ACTN1: variants seen among roughly 807,000 people sequenced by gnomAD.
ACTN1 encodes actinin alpha 1.
In ACTN1, 30 loss-of-function variants were observed where a neutral mutation model predicts 119.6. That is an observed-to-expected ratio of 0.25 (90% CI 0.19 to 0.34). The LOEUF is 0.34. Ranked by LOEUF, ACTN1 falls within the 10% of genes least tolerant of loss-of-function variation. The pLI is 1.00. For missense variants in ACTN1, 764 were observed against 1,223.4 expected, an observed-to-expected ratio of 0.62 and a Z score of 5.60; for synonymous variants, 429 against 472.6, an observed-to-expected ratio of 0.91 and a Z score of 1.20.
Position 68,874,916 on chromosome 14 carries a change from T to C in ACTN1, c.2688A>G (p.Pro896=), listed in dbSNP as rs1273245316. 2.5e-6 allele frequency: 4 copies of C among 1,611,474 alleles called. No homozygotes were observed. Among genetic ancestry groups the C allele is most frequent in the Non-Finnish European group, 2.5e-6 (3 of 1,178,108 alleles). ...AGAAGGACATGTAGTCCAGAGCACCTGGCACGGAGTCGGGGCCGGTGTAGG... is the reference window on the plus strand; with the variant it reads ...AGAAGGACATGTAGTCCAGAGCACCCGGCACGGAGTCGGGGCCGGTGTAGG... ...MAPYTGPDSV[P]GALDYMSFST... Residue 896 remains proline, a synonymous_variant, in exon 22 of 22, where the codon CCA becomes CCG. Coordinates refer to ENST00000394419, the MANE Select transcript of ACTN1 (RefSeq NM_001130004.2).
chr14:68,878,684 A>T lies in ACTN1; in HGVS notation c.2362-161T>A. On this transcript the variant is annotated intron_variant, in intron 19 of 21. Coordinates refer to ENST00000394419, the MANE Select transcript of ACTN1 (RefSeq NM_001130004.2). The surrounding 1 kb of genome is among the most constrained non-coding windows in gnomAD (Gnocchi z 4.4). The stretch of plus-strand genomic sequence containing the variant: ...TAAAGGAACATAGGAGAAGATGCGA[A>T]CACACATCGGTGGAAATGTCCAAAG... The T allele has an allele frequency of 6.5e-7, 1 of 1,539,674 alleles. No individual in the cohort carries two copies. The highest frequency in any genetic ancestry group is 8.7e-7 in the Non-Finnish European group (1 of 1,147,056).
intron 1 of ACTN1, among the ~76,000 whole-genome samples, chr14:68,970,224 A>AACAT (rs1356417198): frequency 1.3e-5 from 2 of 151,986 alleles, no homozygotes; most frequent in Non-Finnish European, 2.9e-5. Flanking sequence ...CCTGGAGCTG[A>AACAT]ACATTTGGGG....
chr14:68,916,508 G>A (rs1388457639), intron 3 of ACTN1, among the ~76,000 whole-genome samples: 3 of 152,188 alleles, frequency 2.0e-5, no homozygotes, highest in African/African-American at 7.2e-5. Context: ...TAGAGAGTAG[G>A]GCGTGCTTAA....
intron 9 of ACTN1, among the ~76,000 whole-genome samples, chr14:68,892,752 T>C (rs951086360): frequency 6.6e-6 from 1 of 152,096 alleles, no homozygotes; most frequent in Non-Finnish European, 1.5e-5. Flanking sequence ...AGAGGCTGGC[T>C]TCTGGGCAGA....
intron 7 of ACTN1, among the ~76,000 whole-genome samples, chr14:68,902,848 GGAGGA>G (rs2033430313): frequency 1.3e-5 from 2 of 152,168 alleles, no homozygotes; most frequent in Non-Finnish European, 2.9e-5. Context: ...GGGGTCAAAG[GGAGGA>G]GAGAAGTACT....
At chr14:68,897,473 C>A (rs1168221023) in intron 8 of ACTN1, among the ~76,000 whole-genome samples, 1 of 151,700 alleles carries the variant, frequency 6.6e-6, no homozygotes, top group Non-Finnish European at 1.5e-5. Context: ...CAAACTGCTA[C>A]CCTAATAATC....
At chr14:68,887,664 T>G in intron 11 of ACTN1, 1 of 1,177,192 alleles carries the variant, frequency 8.5e-7, no homozygotes, top group Non-Finnish European at 1.2e-6. Context: ...ATACCCTCCT[T>G]CTTAAAAATG....
chr14:68,938,906 G>A (rs1345714800), intron 1 of ACTN1, among the ~76,000 whole-genome samples: 1 of 149,742 alleles, frequency 6.7e-6, no homozygotes, highest in Non-Finnish European at 1.5e-5. Flanking sequence ...AGGAGGAGAT[G>A]GGGAGGGGGG....
At chr14:68,891,516 C>G (rs540124074) in intron 10 of ACTN1, among the ~76,000 whole-genome samples, 38 of 151,964 alleles carry the variant, frequency 2.5e-4, no homozygotes, top group Non-Finnish European at 4.4e-4. Flanking sequence ...AATATTTACA[C>G]GAAAAAACCA....
intron 14 of ACTN1, among the ~76,000 whole-genome samples, chr14:68,883,736 C>A (rs1049805259): frequency 1.3e-5 from 2 of 152,184 alleles, no homozygotes; most frequent in Non-Finnish European, 2.9e-5. Context: ...TATGATCCCA[C>A]CACTGCACTC....
rs77353013 is a variant in ACTN1, at chr14:68,957,245, T to C, written c.105+21707A>G. On this transcript the variant is annotated intron_variant, in intron 1 of 21. Transcript: ENST00000394419. ...TAACAGAGTCTGTCTGAGAGTTCCA[T>C]GCATGGTAAGAGGGGTTTGGATAAG... is the stretch of plus-strand genomic sequence containing the variant. Among the ~76,000 whole-genome samples the C allele has an allele frequency of 5.0e-3, 757 of 152,334 alleles. 4 individuals carry two copies. Among genetic ancestry groups the C allele is most frequent in the Non-Finnish European group, 7.5e-3 (510 of 68,028 alleles).
intron 1 of ACTN1, among the ~76,000 whole-genome samples, chr14:68,951,130 G>C (rs539339533): frequency 2.6e-5 from 4 of 152,224 alleles, no homozygotes; most frequent in African/African-American, 9.6e-5. Context: ...AACAGTGGCA[G>C]GGAAGCGCCA....
At chr14:68,881,936 C>CCTTTTTTTTTTTTTTTTTG (rs2031552165) in intron 16 of ACTN1, among the ~76,000 whole-genome samples, 1 of 58,394 alleles carries the variant, frequency 1.7e-5, no homozygotes, top group African/African-American at 1.1e-4. Flanking sequence ...TAGGCAGCTT[C>CCTTTTTTTTTTTTTTTTTG]TTTTTTTTTT....
At chr14:68,923,655 A>AAAAT (rs980958440) in intron 2 of ACTN1, among the ~76,000 whole-genome samples, 2 of 152,142 alleles carry the variant, frequency 1.3e-5, no homozygotes, top group East Asian at 1.9e-4. Context: ...AAGAAAAAAG[A>AAAAT]AAATAAATAA....
intron 1 of ACTN1, among the ~76,000 whole-genome samples, chr14:68,976,580 C>A (rs1237174311): frequency 6.6e-6 from 1 of 152,222 alleles, no homozygotes; most frequent in African/African-American, 2.4e-5. Context: ...GCCATGGCCC[C>A]TCCATCAACC....
chr14:68,898,711 CT>C (rs1247119693), intron 8 of ACTN1, among the ~76,000 whole-genome samples: 1 of 151,996 alleles, frequency 6.6e-6, no homozygotes, highest in African/African-American at 2.4e-5. Flanking sequence ...GGTCAGACCC[CT>C]GACCAGGACA....
intron 6 of ACTN1, among the ~76,000 whole-genome samples, chr14:68,907,012 C>T: frequency 6.6e-6 from 1 of 152,068 alleles, no homozygotes; most frequent in Non-Finnish European, 1.5e-5. Context: ...GTGGCTCATG[C>T]CTGTAATCCC....
At chr14:68,957,744 G>C (rs1033174834) in intron 1 of ACTN1, among the ~76,000 whole-genome samples, 3 of 152,148 alleles carry the variant, frequency 2.0e-5, no homozygotes, top group South Asian at 2.1e-4. Context: ...GTTCAGCAAG[G>C]CATCTGGCCA....
chr14:68,886,395 G>GA (rs1480708741), intron 11 of ACTN1: 2 of 152,050 alleles, frequency 1.3e-5, no homozygotes, highest in Non-Finnish European at 2.9e-5. Flanking sequence ...TAAAGCTTAG[G>GA]AAAAAAATTA....
Sources: gnomAD v4.1 joint callset for allele counts (sites outside exome capture counted in the v4.1 genomes callset) on GRCh38, gnomAD v4.1.1 for gene constraint, Gnocchi (gnomAD v3.1) non-coding constraint, MANE v1.5 for transcripts, NCBI Gene and HGNC (gene_info 2026-07-23, HGNC 2026-07-21) for gene names.